The following POLR3B variants were observed in gnomAD, a reference collection of about 807,000 sequenced individuals.
POLR3B encodes the protein RNA polymerase III subunit B, also known as DNA-directed RNA polymerase III subunit RPC2.
In POLR3B, 96 loss-of-function variants were observed where a neutral mutation model predicts 147.4. The ratio of observed to expected loss-of-function variants is 0.65; its 90% CI spans 0.55 to 0.77. The LOEUF (loss-of-function observed/expected upper bound fraction) is 0.77, where lower values mean the gene tolerates loss of function less well. Ranked by LOEUF, POLR3B falls within the 30% of genes least tolerant of loss-of-function variation. POLR3B has a pLI of 0.00. For missense variants in POLR3B, 1,036 were observed against 1,413.5 expected (o/e 0.73, Z 4.28); for synonymous variants, 461 against 485.9 (o/e 0.95, Z 0.67).
At chr12:106,427,464 A>G in intron 13 of POLR3B, 106 bp downstream of exon 13, 1 of 1,029,486 alleles carries the variant, frequency 9.7e-7, no homozygotes, top group South Asian at 1.3e-5. Context: ...TATATATATC[A>G]AAACGAATGT....
At chr12:106,509,150 G>T (rs1481252018) in intron 27 of POLR3B, among the ~76,000 whole-genome samples, 2 of 152,124 alleles carry the variant, frequency 1.3e-5, no homozygotes, top group African/African-American at 4.8e-5. Flanking sequence ...AAGGAGAAAG[G>T]GCTGGATGTG....
intron 23 of POLR3B, among the ~76,000 whole-genome samples, chr12:106,476,628 T>C (rs1286462695): frequency 6.9e-6 from 1 of 144,192 alleles, no homozygotes; most frequent in African/African-American, 2.7e-5. Flanking sequence ...CATCTTCCAT[T>C]GCTGATACCC....
intron 9 of POLR3B, 64 bp from the exon 10 acceptor site, chr12:106,392,967 A>G (rs1053777387): frequency 6.2e-7 from 1 of 1,603,474 alleles, no homozygotes. Context: ...CCAAATTAGC[A>G]TAAGCAAATG....
rs1321873866 is a variant in POLR3B at position 106,369,674 on chromosome 12, C to G, written c.395C>G (p.Pro132Arg). 3 of 1,602,792 alleles carry G rather than the reference C, an allele frequency of 1.9e-6. No individual in the cohort carries two copies. The highest frequency in any genetic ancestry group is 1.7e-5 in the Admixed American group (1 of 59,994). Residue 132 changes from proline (P) to arginine (R), a missense_variant, in exon 6 of 28, where the codon CCT (proline) becomes CGT (arginine). Around this residue, in one of 12 missense-constraint regions of POLR3B, gnomAD observed 217 missense variants for 288.7 expected, o/e 0.75. Transcript: ENST00000228347. The part of the protein sequence containing the change: ...GSQRIIRNAL[P>R]IGRMPIMLRS... ...CAGAGGATCATCCGCAATGCCTTAC[C>G]TATCGGCAGGTGAGAAATGAAATCC...
chr12:106,472,803 T>C (rs1432390481), intron 23 of POLR3B, among the ~76,000 whole-genome samples: 2 of 110,106 alleles, frequency 1.8e-5, no homozygotes, highest in Non-Finnish European at 3.5e-5. Context: ...TTTTCTCCCA[T>C]GTTGTAGGTT....
intron 23 of POLR3B, among the ~76,000 whole-genome samples, chr12:106,486,072 G>A (rs543015277): frequency 9.2e-5 from 14 of 151,906 alleles, no homozygotes; most frequent in South Asian, 2.1e-4. Flanking sequence ...GGCAGATCAC[G>A]AGGTCAAGAG....
intron 9 of POLR3B, among the ~76,000 whole-genome samples, chr12:106,390,897 G>A (rs1321997830): frequency 1.3e-5 from 2 of 152,052 alleles, no homozygotes; most frequent in Admixed American, 6.6e-5. Flanking sequence ...GCCACAAGCT[G>A]AGCATAGTAG....
rs201527706 is a variant in POLR3B at position 106,509,537 on chromosome 12, G to C, written c.3390G>C (p.Lys1130Asn). 201 of 1,612,708 alleles carry C rather than the reference G, an allele frequency of 1.2e-4. No individual in the cohort carries two copies. The highest frequency in any genetic ancestry group is 6.6e-4 in the Middle Eastern group (4 of 6,062). The change falls in exon 28 of 28, where the codon AAG becomes AAC. Residue 1130 changes from lysine to asparagine, a missense_variant. Lys to Asn is a moderately conservative substitution (Grantham distance 94). Around this residue, in one of 12 missense-constraint regions of POLR3B, gnomAD observed 69 missense variants for 89.8 expected, o/e 0.77. Coordinates refer to ENST00000228347, the MANE Select transcript of POLR3B (RefSeq NM_018082.6). ...MNIIPRLKLS[K>N]YNE is the part of the protein sequence containing the mutation. ...TCATCCCCAGGTTAAAACTGTCCAA[G>C]TACAATGAATGAGGATGGAAAAAAT...
At chr12:106,463,331 G>T in intron 22 of POLR3B, 147 bp from the exon 23 acceptor site, 1 of 665,058 alleles carries the variant, frequency 1.5e-6, no homozygotes. Context: ...TGAATTTAAT[G>T]TTAAAAAAAT....
chr12:106,487,882 A>ATT (rs2038361547), intron 23 of POLR3B, among the ~76,000 whole-genome samples: 1 of 152,196 alleles, frequency 6.6e-6, no homozygotes, highest in Admixed American at 6.5e-5. Context: ...GTCAATACTG[A>ATT]GTAGTTGGGA....
intron 17 of POLR3B, 109 bp from the exon 18 acceptor site, chr12:106,437,572 G>A (rs1353013321): frequency 2.8e-6 from 2 of 708,308 alleles, no homozygotes; most frequent in Non-Finnish European, 5.2e-6. Context: ...TATTCTCTGG[G>A]AGAGAAAGGT....
At chr12:106,448,965 TGG>T (rs1329281646) in intron 19 of POLR3B, among the ~76,000 whole-genome samples, 1 of 152,156 alleles carries the variant, frequency 6.6e-6, no homozygotes, top group African/African-American at 2.4e-5. Flanking sequence ...CTGCCTTTTC[TGG>T]TAGAATGTAA....
At chr12:106,408,269 G>C (rs1257552441) in intron 11 of POLR3B, among the ~76,000 whole-genome samples, 1 of 152,224 alleles carries the variant, frequency 6.6e-6, no homozygotes, top group African/African-American at 2.4e-5. Flanking sequence ...TGTCTGTGTA[G>C]AGGGAAAAAC....
intron 23 of POLR3B, among the ~76,000 whole-genome samples, chr12:106,471,492 G>C (rs1186556696): frequency 6.6e-6 from 1 of 152,040 alleles, no homozygotes; most frequent in African/African-American, 2.4e-5. Flanking sequence ...GCCAGTCCCA[G>C]TGAGATGAAC....
chr12:106,364,011 T>G lies in POLR3B; in HGVS notation c.105+109T>G. 3 of 799,470 alleles carry G rather than the reference T, an allele frequency of 3.8e-6. No individual in the cohort carries two copies. The South Asian group carries it at 4.5e-5, about 12-fold the overall frequency. The allele number at this position is 799,470 out of a possible 1,614,324, so 49.5% of individuals were successfully genotyped here. A position where few individuals can be genotyped will look rare whatever the true frequency, so the allele number is the denominator to read the frequency against. On this transcript the variant is annotated intron_variant, in intron 2 of 27. Coordinates refer to ENST00000228347, the MANE Select transcript of POLR3B (RefSeq NM_018082.6). ...TTGTCATCAACATTTTTTGATTTTGTATAGCTGTGTTTGGAAATACAAGGA... is the reference window on the plus strand; with the variant it reads ...TTGTCATCAACATTTTTTGATTTTGGATAGCTGTGTTTGGAAATACAAGGA...
chr12:106,367,728 A>G (rs2036553177), intron 4 of POLR3B, among the ~76,000 whole-genome samples: 1 of 152,202 alleles, frequency 6.6e-6, no homozygotes. Context: ...TCACTTGATT[A>G]AGGTAGGATC....
chr12:106,410,517 C>T, intron 11 of POLR3B: 1 of 362,150 alleles, frequency 2.8e-6, no homozygotes, highest in South Asian at 2.7e-5. Flanking sequence ...TTAAATTAAT[C>T]ATAGGCCAAT....
rs547630269 is a variant in POLR3B at position 106,482,988 on chromosome 12, C to T, written c.2714-13067C>T. On this transcript the variant is annotated intron_variant, in intron 23 of 27. Transcript: ENST00000228347. ...GCACCAGGAGTTTCAACACCTAAGACTCATAGCTCCCCAACCCTAACTGAT... is the reference window on the plus strand; with the variant it reads ...GCACCAGGAGTTTCAACACCTAAGATTCATAGCTCCCCAACCCTAACTGAT... 1.1e-4 allele frequency among the ~76,000 whole-genome samples: 16 copies of T among 152,254 alleles called. No individual in the cohort carries two copies. In the South Asian group the frequency reaches 3.3e-3, roughly 32 times the overall value.
At position 106,357,775 on chromosome 12, in the gene POLR3B, C is replaced by A; in HGVS notation, c.-105C>A. 8.9e-7 allele frequency: 1 copy of A among 1,118,546 alleles called. No individual in the cohort carries two copies. Among genetic ancestry groups the A allele is most frequent in the Non-Finnish European group, 1.3e-6 (1 of 754,610 alleles). 69.3% of individuals were successfully genotyped at this position (1,118,546 alleles called of 1,614,324 possible). A position where few individuals can be genotyped will look rare whatever the true frequency, so the allele number is the denominator to read the frequency against. The stretch of plus-strand genomic sequence containing the variant: ...CTCTAGCTAACACGCACGGCGGGGA[C>A]AGTTTAGGCCTCCGCGCACCGTTCG... On this transcript the variant is annotated 5_prime_UTR_variant, in exon 1 of 28. Coordinates refer to ENST00000228347, the MANE Select transcript of POLR3B (RefSeq NM_018082.6).
Sources: gnomAD v4.1 joint callset for allele counts (sites outside exome capture counted in the v4.1 genomes callset) on GRCh38, gnomAD v4.1.1 for gene constraint, gnomAD v4.1.1 regional missense constraint, MANE v1.5 for transcripts, NCBI Gene and HGNC (gene_info 2026-07-23, HGNC 2026-07-21) for gene names.